RAPGEF5: variants seen among roughly 807,000 people sequenced by gnomAD.
RAPGEF5 encodes M-Ras-regulated GEF.
Under a neutral mutation model 125.2 loss-of-function variants are expected in RAPGEF5, and 65 were observed. That is an observed-to-expected ratio of 0.52 (90% CI 0.43 to 0.64). RAPGEF5 has a LOEUF of 0.64. Ranked by LOEUF, RAPGEF5 falls within the 30% of genes least tolerant of loss-of-function variation. The pLI is 0.00. For synonymous variants in RAPGEF5, 391 were observed against 385.9 expected, an observed-to-expected ratio of 1.01 and a Z score of -0.16; for missense variants, 958 against 1,048.1, an observed-to-expected ratio of 0.91 and a Z score of 1.19.
rs1326949141 is a variant in RAPGEF5 at position 22,346,805 on chromosome 7, A to G, written c.231+10025T>C. 5.3e-5 allele frequency among the ~76,000 whole-genome samples: 8 copies of G among 152,342 alleles called. No individual in the cohort carries two copies. In the South Asian group the frequency reaches 1.4e-3, roughly 28 times the overall value. On this transcript the variant is annotated intron_variant, in intron 1 of 25. Coordinates refer to ENST00000665637, the MANE Select transcript of RAPGEF5 (RefSeq NM_012294.5). ...TGTTTTGCCTTGGTAGAAGTCCTGA[A>G]TGATATTTTCTCTACAGATAATACA... is the stretch of plus-strand genomic sequence containing the variant.
chr7:22,122,732 T>A (rs1426683645), intron 25 of RAPGEF5, among the ~76,000 whole-genome samples: 2 of 152,238 alleles, frequency 1.3e-5, no homozygotes, highest in Admixed American at 1.3e-4. Context: ...GGCAGGATAC[T>A]TATAGCATTT....
At chr7:22,283,391 C>T (rs1782720431) in intron 6 of RAPGEF5, among the ~76,000 whole-genome samples, 1 of 152,064 alleles carries the variant, frequency 6.6e-6, no homozygotes, top group Non-Finnish European at 1.5e-5. Context: ...ATTCCATCAC[C>T]ACCAAAAAAT....
chr7:22,166,782 C>T lies in RAPGEF5; in HGVS notation c.1283+288G>A, dbSNP rs1784180849. Among the ~76,000 whole-genome samples the T allele has an allele frequency of 2.0e-5, 3 of 152,266 alleles. No individual in the cohort carries two copies. In the South Asian group the frequency reaches 6.2e-4, roughly 32 times the overall value. ...TGACTCTGGGGTTTACCCAGCAGGCCAATTTTGCCTCCAGATTTCTAAGCA... is the reference window on the plus strand; with the variant it reads ...TGACTCTGGGGTTTACCCAGCAGGCTAATTTTGCCTCCAGATTTCTAAGCA... On this transcript the variant is annotated intron_variant, in intron 12 of 25. Coordinates refer to ENST00000665637, the MANE Select transcript of RAPGEF5 (RefSeq NM_012294.5).
At chr7:22,297,353 C>A (rs932895047) in intron 5 of RAPGEF5, among the ~76,000 whole-genome samples, 25 of 152,100 alleles carry the variant, frequency 1.6e-4, no homozygotes, top group African/African-American at 5.6e-4. Flanking sequence ...TAGATGCAGG[C>A]AGGTTGACAG....
At chr7:22,299,348 T>C (rs1783142405) in intron 5 of RAPGEF5, among the ~76,000 whole-genome samples, 1 of 152,168 alleles carries the variant, frequency 6.6e-6, no homozygotes, top group African/African-American at 2.4e-5. Context: ...CTTCAAAGTA[T>C]GATGATTTCC....
chr7:22,213,384 T>A (rs1261901146), intron 9 of RAPGEF5, among the ~76,000 whole-genome samples: 1 of 152,184 alleles, frequency 6.6e-6, no homozygotes, highest in Non-Finnish European at 1.5e-5. Context: ...AGTTGTGAAA[T>A]GTGTTTGCCA....
chr7:22,277,237 G>T (rs142893073), intron 6 of RAPGEF5, among the ~76,000 whole-genome samples: 1 of 152,160 alleles, frequency 6.6e-6, no homozygotes, highest in South Asian at 2.1e-4. Context: ...ACTTTGAAAC[G>T]TCAGAGGTAT....
chr7:22,337,407 G>A (rs2128386065), intron 1 of RAPGEF5, among the ~76,000 whole-genome samples: 1 of 152,300 alleles, frequency 6.6e-6, no homozygotes, highest in East Asian at 1.9e-4. Flanking sequence ...CAACAGTAAT[G>A]TTATTTACAG....
intron 8 of RAPGEF5, among the ~76,000 whole-genome samples, chr7:22,229,686 G>A (rs1449424743): frequency 6.6e-6 from 1 of 152,102 alleles, no homozygotes; most frequent in African/African-American, 2.4e-5. Context: ...TATATAGACG[G>A]GCCTGCAGAA....
At chr7:22,280,598 T>C (rs1019767148) in intron 6 of RAPGEF5, among the ~76,000 whole-genome samples, 2 of 152,218 alleles carry the variant, frequency 1.3e-5, no homozygotes, top group African/African-American at 2.4e-5. Context: ...TCAGAACTTA[T>C]TCGAGGAAAC....
intron 7 of RAPGEF5, among the ~76,000 whole-genome samples, chr7:22,246,859 A>G (rs1786490334): frequency 6.6e-6 from 1 of 152,240 alleles, no homozygotes; most frequent in Non-Finnish European, 1.5e-5. Context: ...CAGAATCTAT[A>G]AGGAACTTAA....
intron 23 of RAPGEF5, among the ~76,000 whole-genome samples, chr7:22,134,257 A>G (rs759949725): frequency 5.8e-4 from 89 of 152,382 alleles, no homozygotes; most frequent in Non-Finnish European, 1.1e-3. Context: ...CTTTAAGTAC[A>G]ATGAAGTACT....
At chr7:22,201,637 C>G (rs1785279566) in intron 9 of RAPGEF5, among the ~76,000 whole-genome samples, 1 of 152,244 alleles carries the variant, frequency 6.6e-6, no homozygotes, top group Non-Finnish European at 1.5e-5. Context: ...AACAGTCTTT[C>G]TTGTCTAGTG....
At chr7:22,278,331 C>T (rs1282819122) in intron 6 of RAPGEF5, among the ~76,000 whole-genome samples, 1 of 152,152 alleles carries the variant, frequency 6.6e-6, no homozygotes, top group Non-Finnish European at 1.5e-5. Flanking sequence ...ATCAAGACGT[C>T]CATAAGTTTT....
chr7:22,193,438 C>A lies in RAPGEF5; in HGVS notation c.1133G>T (p.Gly378Val). 1 of 1,593,072 alleles carries A rather than the reference C, an allele frequency of 6.3e-7. No homozygotes were observed. The highest frequency in any genetic ancestry group is 8.6e-7 in the Non-Finnish European group (1 of 1,169,094). ...ESHWRYVVVS[G>V]TPEKILEHLL... is the part of the protein sequence containing the mutation. ...GTGCTCCAAAATCTTCTCCGGGGTC[C>A]CGGACACCACCACATATCTGTCAGA... The change falls in exon 11 of 26, where the codon GGG becomes GTG. Residue 378 changes from glycine to valine, a missense_variant. Coordinates refer to ENST00000665637, the MANE Select transcript of RAPGEF5 (RefSeq NM_012294.5).
chr7:22,347,325 G>T (rs1018776770), intron 1 of RAPGEF5, among the ~76,000 whole-genome samples: 12 of 151,984 alleles, frequency 7.9e-5, no homozygotes, highest in Admixed American at 4.6e-4. Context: ...AATAAATTGG[G>T]ATTGTTTGTA....
At chr7:22,171,691 G>A (rs1444002827) in intron 11 of RAPGEF5, among the ~76,000 whole-genome samples, 1 of 152,124 alleles carries the variant, frequency 6.6e-6, no homozygotes, top group Non-Finnish European at 1.5e-5. Flanking sequence ...TAGAGATGGG[G>A]GTTTCACCAT....
intron 5 of RAPGEF5, among the ~76,000 whole-genome samples, chr7:22,303,828 G>A (rs1437244112): frequency 6.6e-6 from 1 of 152,208 alleles, no homozygotes; most frequent in Non-Finnish European, 1.5e-5. Context: ...ACATGGACTG[G>A]AGACATCATG....
At chr7:22,350,928 A>G (rs1784318615) in intron 1 of RAPGEF5, among the ~76,000 whole-genome samples, 2 of 152,188 alleles carry the variant, frequency 1.3e-5, no homozygotes, top group South Asian at 4.1e-4. Flanking sequence ...ATATTTCTCA[A>G]ATAAGTTCAC....
Sources: allele counts gnomAD v4.1 joint callset (sites outside exome capture counted in the v4.1 genomes callset), GRCh38; gene constraint gnomAD v4.1.1; transcripts MANE v1.5; gene names NCBI Gene and HGNC (gene_info 2026-07-23, HGNC 2026-07-21).